The following TANC2 variants were observed in gnomAD, a reference collection of about 807,000 sequenced individuals.
The protein encoded by TANC2 is tetratricopeptide repeat, ankyrin repeat and coiled-coil containing 2, also known as protein TANC2.
A neutral mutation model predicts 210.5 loss-of-function variants in TANC2; 26 were observed. The observed-to-expected ratio is 0.12, with a 90% CI of 0.09 to 0.17. The LOEUF is 0.17. Among genes scored for constraint, TANC2 ranks in the 10% least tolerant of loss-of-function variants. The probability of loss-of-function intolerance (pLI) is 1.00; values close to 1 mark genes in which losing one functional copy is unlikely to be tolerated. For missense variants in TANC2, 2,129 were observed against 2,608.9 expected, an observed-to-expected ratio of 0.82 and a Z score of 4.01; for synonymous variants, 931 against 967.1, an observed-to-expected ratio of 0.96 and a Z score of 0.69.
Position 63,379,940 on chromosome 17 carries a change from C to G in TANC2, c.2691+114C>G. 4.8e-6 allele frequency: 4 copies of G among 836,332 alleles called. No homozygotes were observed. The South Asian group carries it at 7.2e-5, about 15-fold the overall frequency. 51.8% of individuals were successfully genotyped at this position (836,332 alleles called of 1,614,324 possible). Reference sequence around the variant, plus strand: ...CCTTCTGAAGTTCTTTTGCTGCAAACTTGGTTCATCTCCCAACACGTATGG... The same window carrying G: ...CCTTCTGAAGTTCTTTTGCTGCAAAGTTGGTTCATCTCCCAACACGTATGG... On this transcript the variant is annotated intron_variant, in intron 15 of 27. Coordinates refer to ENST00000689528, the Ensembl canonical transcript of TANC2.
intron 2 of TANC2, among the ~76,000 whole-genome samples, chr17:63,049,107 T>A (rs1211059500): frequency 6.6e-6 from 1 of 152,186 alleles, no homozygotes; most frequent in South Asian, 2.1e-4. Flanking sequence ...GCATCCAGAA[T>A]TCCCTTCTTT....
At position 63,412,608 on chromosome 17, in the gene TANC2, T is replaced by C; in HGVS notation, c.3899-72T>C. 7.5e-6 allele frequency: 2 copies of C among 268,138 alleles called. No homozygotes were observed. The highest frequency in any genetic ancestry group is 1.2e-5 in the Non-Finnish European group (2 of 168,300). 16.6% of individuals were successfully genotyped at this position (268,138 alleles called of 1,614,324 possible). A position where few individuals can be genotyped will look rare whatever the true frequency, so the allele number is the denominator to read the frequency against. On this transcript the variant is annotated intron_variant, in intron 23 of 27. Transcript: ENST00000689528. The surrounding 1 kb of genome is among the most constrained non-coding windows in gnomAD (Gnocchi z 4.2). ...GCCTCTCACTGCTGCTTTTTCCTTC[T>C]TTTTTTTTTTTTCACCTTCATCCAT...
chr17:63,045,273 A>T (rs1440443835), intron 2 of TANC2, among the ~76,000 whole-genome samples: 1 of 152,174 alleles, frequency 6.6e-6, no homozygotes, highest in Non-Finnish European at 1.5e-5. Flanking sequence ...TTATAGAAAA[A>T]GTTTGCAGAC....
chr17:63,209,759 A>G (rs2041830462), intron 7 of TANC2, among the ~76,000 whole-genome samples: 1 of 152,180 alleles, frequency 6.6e-6, no homozygotes, highest in African/African-American at 2.4e-5. Context: ...GTATTTCGCT[A>G]TTAAGTATTA....
chr17:63,373,106 G>A (rs1335430063), intron 14 of TANC2, among the ~76,000 whole-genome samples: 2 of 151,716 alleles, frequency 1.3e-5, no homozygotes, highest in Non-Finnish European at 2.9e-5. Context: ...ATGGTATCCA[G>A]GCTGGTCTCA....
At chr17:63,095,649 T>C (rs541180054) in intron 3 of TANC2, among the ~76,000 whole-genome samples, 59 of 152,288 alleles carry the variant, frequency 3.9e-4, no homozygotes, top group African/African-American at 1.4e-3. Flanking sequence ...AGCCCTATCA[T>C]GCCCAACCTA....
chr17:63,022,490 G>A (rs912950483), intron 2 of TANC2, among the ~76,000 whole-genome samples: 1 of 152,094 alleles, frequency 6.6e-6, no homozygotes, highest in Non-Finnish European at 1.5e-5. Context: ...ATAATTAAAA[G>A]GGAAGCAGAG....
At chr17:63,314,448 C>G (rs779994723) in exon 10 of TANC2, 1 of 1,613,896 alleles carries the variant, frequency 6.2e-7, no homozygotes, top group South Asian at 1.1e-5. Flanking sequence ...TTTGAAGTGC[C>G]CAGCATCACT....
rs1232183476 is a variant in TANC2 at position 63,098,480 on chromosome 17, ATACACT to A, written c.140-694_140-689del. ...CACACACACACACACACACACACACATACACTCTCTCTCTCTCTCTCTCTCTCTCTG... is the reference window on the plus strand; with the variant it reads ...CACACACACACACACACACACACACACTCTCTCTCTCTCTCTCTCTCTCTG... On this transcript the variant is annotated intron_variant, in intron 3 of 27. Coordinates refer to ENST00000689528, the Ensembl canonical transcript of TANC2. Among the ~76,000 whole-genome samples the A allele has an allele frequency of 1.9e-3, 48 of 25,782 alleles. 2 individuals are homozygous for A. Among genetic ancestry groups the A allele is most frequent in the African/African-American group, 8.8e-3 (43 of 4,866 alleles). The allele number at this position is 25,782 out of a possible 152,430, so 16.9% of individuals were successfully genotyped here. A position where few individuals can be genotyped will look rare whatever the true frequency, so the allele number is the denominator to read the frequency against.
chr17:63,371,332 G>A (rs907476058), intron 14 of TANC2, among the ~76,000 whole-genome samples: 2 of 152,042 alleles, frequency 1.3e-5, no homozygotes, highest in Non-Finnish European at 2.9e-5. Context: ...CAGGCGTGGT[G>A]GCGTGCACCT....
At chr17:63,032,582 A>G (rs1164795115) in intron 2 of TANC2, among the ~76,000 whole-genome samples, 3 of 152,160 alleles carry the variant, frequency 2.0e-5, no homozygotes, top group South Asian at 2.1e-4. Context: ...ACTGAACTAC[A>G]TGATTGATTG....
At chr17:63,139,369 G>A (rs563786859) in intron 4 of TANC2, among the ~76,000 whole-genome samples, 41 of 152,156 alleles carry the variant, frequency 2.7e-4, no homozygotes, top group Non-Finnish European at 5.4e-4. Context: ...GCTCACTCCT[G>A]TATTCCCAGC....
chr17:63,144,341 C>T (rs1241830743), intron 4 of TANC2, among the ~76,000 whole-genome samples: 1 of 152,054 alleles, frequency 6.6e-6, no homozygotes, highest in Non-Finnish European at 1.5e-5. Context: ...TGGCCACATA[C>T]TAATTGATAT....
At chr17:63,205,819 A>G (rs2041691946) in intron 7 of TANC2, among the ~76,000 whole-genome samples, 3 of 152,086 alleles carry the variant, frequency 2.0e-5, no homozygotes, top group African/African-American at 7.2e-5. Context: ...GAGGCAGGAG[A>G]ATCACTTGAA....
At chr17:63,083,212 TG>T (rs2036842575) in intron 3 of TANC2, among the ~76,000 whole-genome samples, 1 of 152,162 alleles carries the variant, frequency 6.6e-6, no homozygotes, top group South Asian at 2.1e-4. Context: ...TGCAGAGCCA[TG>T]ACATAACTAC....
At chr17:63,230,006 G>T (rs184558795) in intron 7 of TANC2, among the ~76,000 whole-genome samples, 2 of 152,136 alleles carry the variant, frequency 1.3e-5, no homozygotes, top group East Asian at 3.9e-4. Context: ...ATGTTGGCCA[G>T]CCTGGTCTCA....
At chr17:63,254,653 G>T (rs2043139635) in intron 8 of TANC2, among the ~76,000 whole-genome samples, 1 of 152,118 alleles carries the variant, frequency 6.6e-6, no homozygotes, top group Non-Finnish European at 1.5e-5. Context: ...TGTTCCTTCT[G>T]TACCCAGTTT....
chr17:63,281,540 AACTTGAACAAAAATCAGCAT>A (rs375101191), intron 9 of TANC2, among the ~76,000 whole-genome samples: 2,342 of 152,198 alleles, frequency 0.015, 58 homozygotes, highest in African/African-American at 0.052. Context: ...CGGCTAAGTT[AACTTGAACAAAAATCAGCAT>A]ACTTGAACAA....
intron 11 of TANC2, among the ~76,000 whole-genome samples, chr17:63,332,747 C>T (rs2045899972): frequency 6.6e-6 from 1 of 152,082 alleles, no homozygotes; most frequent in Non-Finnish European, 1.5e-5. Flanking sequence ...CCTTGAGAGC[C>T]TCAAAAGACA....
Sources: gnomAD v4.1 joint callset for allele counts (sites outside exome capture counted in the v4.1 genomes callset) on GRCh38, gnomAD v4.1.1 for gene constraint, Gnocchi (gnomAD v3.1) non-coding constraint, MANE v1.5 for transcripts, NCBI Gene and HGNC (gene_info 2026-07-23, HGNC 2026-07-21) for gene names.